RBFOX1: variants seen among roughly 807,000 people sequenced by gnomAD.
RBFOX1 encodes RNA binding fox-1 homolog 1.
In RBFOX1, 8 loss-of-function variants were observed where a neutral mutation model predicts 57.7. That is an observed-to-expected ratio of 0.14 (90% CI 0.08 to 0.25). The LOEUF (loss-of-function observed/expected upper bound fraction) is 0.25, where lower values mean the gene tolerates loss of function less well. RBFOX1 is among the 10% of genes least tolerant of loss of function. The pLI is 1.00. For synonymous variants in RBFOX1, 326 were observed against 222.4 expected (o/e 1.47, Z -4.15); for missense variants, 611 against 548.5 (o/e 1.11, Z -1.14).
chr16:6,893,651 C>T (rs117275094), intron 3 of RBFOX1, among the ~76,000 whole-genome samples: 1,886 of 152,268 alleles, frequency 0.012, 22 homozygotes, highest in Non-Finnish European at 0.02. Flanking sequence ...TCCAATAGAG[C>T]ATTGGCCAGA....
At chr16:6,259,318 C>T (rs2097687580) in intron 1 of RBFOX1, among the ~76,000 whole-genome samples, 1 of 152,082 alleles carries the variant, frequency 6.6e-6, no homozygotes, top group South Asian at 2.1e-4. Flanking sequence ...TCTCCCTCCT[C>T]TCCTCTCTAG....
At chr16:6,499,694 A>T (rs2095861548) in intron 2 of RBFOX1, among the ~76,000 whole-genome samples, 1 of 152,002 alleles carries the variant, frequency 6.6e-6, no homozygotes, top group African/African-American at 2.4e-5. Flanking sequence ...CCAGAGTCCT[A>T]TGTTGGCTGG....
At chr16:6,654,016 G>A (rs914823583) in intron 2 of RBFOX1, among the ~76,000 whole-genome samples, 47 of 150,440 alleles carry the variant, frequency 3.1e-4, no homozygotes, top group South Asian at 6.4e-4. Flanking sequence ...TAGAGGAAGG[G>A]TGGGTGGGTC....
chr16:6,967,031 T>C (rs1029829769), intron 3 of RBFOX1, among the ~76,000 whole-genome samples: 65 of 152,320 alleles, frequency 4.3e-4, no homozygotes, highest in African/African-American at 1.2e-3. Context: ...TATCTACTTA[T>C]CTGTACGTGC....
chr16:6,654,613 C>T lies in RBFOX1; in HGVS notation c.-53C>T, dbSNP rs376105302. On this transcript the variant is annotated 5_prime_UTR_variant, in exon 3 of 16. The change creates a premature stop within an existing upstream ORF in the 5' untranslated region. Transcript: ENST00000550418. ...TTCTTCTCTTCTCAGGATATCAAAG[C>T]AGACTGCAATACCTGCGTGGAAATA... 5 of 1,508,944 alleles carry T rather than the reference C, an allele frequency of 3.3e-6. No individual in the cohort carries two copies. The highest frequency in any genetic ancestry group is 5.1e-5 in the East Asian group (2 of 39,194). The allele number at this position is 1,508,944 out of a possible 1,614,324, so 93.5% of individuals were successfully genotyped here.
intron 3 of RBFOX1, among the ~76,000 whole-genome samples, chr16:6,924,600 C>T (rs893058094): frequency 7.9e-5 from 12 of 152,106 alleles, no homozygotes; most frequent in African/African-American, 2.2e-4. Context: ...TCCATTTCTT[C>T]ACCTGCAAAA....
At chr16:7,599,678 C>G (rs1049817107) in intron 9 of RBFOX1, among the ~76,000 whole-genome samples, 7 of 125,590 alleles carry the variant, frequency 5.6e-5, no homozygotes, top group Admixed American at 2.4e-4. Context: ...CAGGGTCTCA[C>G]TTTTTCACCC....
intron 1 of RBFOX1, among the ~76,000 whole-genome samples, chr16:6,301,153 AT>A (rs1247045584): frequency 1.3e-5 from 2 of 152,204 alleles, no homozygotes; most frequent in East Asian, 1.9e-4. Flanking sequence ...GCTTCTTTAA[AT>A]TGTAGACTTA....
chr16:6,368,169 A>G (rs936802217), intron 2 of RBFOX1, among the ~76,000 whole-genome samples: 1 of 152,152 alleles, frequency 6.6e-6, no homozygotes, highest in African/African-American at 2.4e-5. Flanking sequence ...TTTCAGCTTC[A>G]AGGGATTATG....
Position 5,943,941 on chromosome 16 carries a change from TTCCA to T in RBFOX1, c.351+76627_351+76630del, listed in dbSNP as rs902519503. The stretch of plus-strand genomic sequence containing the variant: ...CTCCTCCTCTGTCTTTCCTTCTATT[TTCCA>T]TCCATCCATCCATCCATCCACCCCC... On this transcript the variant is annotated intron_variant, in intron 4 of 19. Coordinates refer to the RBFOX1 transcript ENST00000641259. Among the ~76,000 whole-genome samples the T allele has an allele frequency of 1.5e-3, 225 of 150,522 alleles. 1 individual carries two copies. The highest frequency in any genetic ancestry group is 4.7e-3 in the African/African-American group (191 of 40,688).
rs955352700 is a variant in RBFOX1 at position 6,678,277 on chromosome 16, A to C, written c.-16+23627A>C. Among the ~76,000 whole-genome samples, 7 of 152,050 alleles carry C rather than the reference A, an allele frequency of 4.6e-5. No individual in the cohort carries two copies. In the East Asian group the frequency reaches 1.4e-3, roughly 29 times the overall value. ...GTAGCTGGGACTGCAGGCGTGTACC[A>C]CCACACATGGCTAATTTTTGTGTTT... On this transcript the variant is annotated intron_variant, in intron 3 of 15. Transcript: ENST00000550418.
At position 7,710,901 on chromosome 16, in the gene RBFOX1, C is replaced by A; in HGVS notation, c.*156C>A. 2 of 808,040 alleles carry A rather than the reference C, an allele frequency of 2.5e-6. No homozygotes were observed. Among genetic ancestry groups the A allele is most frequent in the Non-Finnish European group, 3.4e-6 (2 of 585,140 alleles). 50.1% of individuals were successfully genotyped at this position (808,040 alleles called of 1,614,324 possible). Reference sequence around the variant, plus strand: ...AAAAATTACATTTTTTATCTTATACCTCAGATATTTTGTTCTGTGTATTTT... The same window carrying A: ...AAAAATTACATTTTTTATCTTATACATCAGATATTTTGTTCTGTGTATTTT... On this transcript the variant is annotated 3_prime_UTR_variant, in exon 16 of 16. Coordinates refer to ENST00000550418, the MANE Select transcript of RBFOX1 (RefSeq NM_018723.4).
chr16:6,007,102 A>T (rs2094932192), intron 4 of RBFOX1, among the ~76,000 whole-genome samples: 1 of 152,208 alleles, frequency 6.6e-6, no homozygotes, highest in Non-Finnish European at 1.5e-5. Context: ...TGAGGATATG[A>T]CAGTCACCCT....
chr16:6,653,822 A>C (rs1172898980), intron 2 of RBFOX1, among the ~76,000 whole-genome samples: 1 of 150,506 alleles, frequency 6.6e-6, no homozygotes, highest in Non-Finnish European at 1.5e-5. Flanking sequence ...GAATGGGAGA[A>C]GGATGCAGGA....
chr16:6,520,173 C>G (rs1329005564), intron 2 of RBFOX1, among the ~76,000 whole-genome samples: 1 of 152,176 alleles, frequency 6.6e-6, no homozygotes, highest in Non-Finnish European at 1.5e-5. Flanking sequence ...AACAACATTT[C>G]TTCTCTAAAT....
intron 4 of RBFOX1, among the ~76,000 whole-genome samples, chr16:7,226,237 A>C (rs2093110242): frequency 6.6e-6 from 1 of 152,178 alleles, no homozygotes; most frequent in Non-Finnish European, 1.5e-5. Context: ...AAGCATGGAT[A>C]TTCTGATCAG....
intron 3 of RBFOX1, among the ~76,000 whole-genome samples, chr16:6,685,273 CTTTT>C (rs202226687): frequency 9.0e-6 from 1 of 111,576 alleles, no homozygotes; most frequent in African/African-American, 3.6e-5. Flanking sequence ...GAGAGTTTTT[CTTTT>C]TTTTTTTTTT....
chr16:7,509,748 T>G (rs1458358819), intron 4 of RBFOX1, among the ~76,000 whole-genome samples: 2 of 152,164 alleles, frequency 1.3e-5, no homozygotes, highest in East Asian at 3.9e-4. Context: ...TCTATCTCTT[T>G]AAACTTTTTT....
intron 1 of RBFOX1, among the ~76,000 whole-genome samples, chr16:6,047,996 T>C (rs1301654688): frequency 1.3e-5 from 2 of 152,146 alleles, no homozygotes; most frequent in Non-Finnish European, 2.9e-5. Flanking sequence ...TACTCAGTTA[T>C]TAAAAAGAGA....
Sources: allele counts gnomAD v4.1 joint callset (sites outside exome capture counted in the v4.1 genomes callset), GRCh38; gene constraint gnomAD v4.1.1; transcripts MANE v1.5; gene names NCBI Gene and HGNC (gene_info 2026-07-23, HGNC 2026-07-21).